JAK1: variants seen among roughly 807,000 people sequenced by gnomAD.
JAK1 encodes the protein tyrosine-protein kinase JAK1.
Under a neutral mutation model 136.6 loss-of-function variants are expected in JAK1, and 16 were observed. That is an observed-to-expected ratio of 0.12 (90% confidence interval 0.08 to 0.18). JAK1 has a LOEUF of 0.18. Ranked by LOEUF, JAK1 falls within the 10% of genes least tolerant of loss-of-function variation. The pLI, the probability that JAK1 is intolerant of heterozygous loss-of-function variation, is 1.00. For synonymous variants in JAK1, 492 were observed against 519.5 expected (o/e 0.95, Z 0.72); for missense variants, 859 against 1,450.1 (o/e 0.59, Z 6.62).
At chr1:64,881,346 C>T (rs1190765221) in intron 3 of JAK1, among the ~76,000 whole-genome samples, 1 of 149,960 alleles carries the variant, frequency 6.7e-6, no homozygotes, top group Non-Finnish European at 1.5e-5. Flanking sequence ...CTATTTTGAC[C>T]ATCTTGCAGA....
At chr1:64,958,795 T>A (rs1646235279) in intron 1 of JAK1, among the ~76,000 whole-genome samples, 1 of 152,230 alleles carries the variant, frequency 6.6e-6, no homozygotes, top group African/African-American at 2.4e-5. Flanking sequence ...AGCCTCCAGA[T>A]AAAATTGTGC....
chr1:64,943,351 T>C (rs866950930), intron 1 of JAK1, among the ~76,000 whole-genome samples: 3 of 152,198 alleles, frequency 2.0e-5, no homozygotes, highest in Non-Finnish European at 2.9e-5. Flanking sequence ...CTCACTGGCA[T>C]CAACTGCCTG....
At chr1:65,040,161 G>T (rs917296931) in intron 2 of JAK1, among the ~76,000 whole-genome samples, 1 of 151,388 alleles carries the variant, frequency 6.6e-6, no homozygotes, top group Non-Finnish European at 1.5e-5. Context: ...GTTGTAGTGA[G>T]CCAAGATTGC....
chr1:65,033,725 C>CAAAAAAAAAAAAAA, intron 2 of JAK1, among the ~76,000 whole-genome samples: 1 of 89,256 alleles, frequency 1.1e-5, no homozygotes, highest in Non-Finnish European at 2.3e-5. Flanking sequence ...CCCGTAGTAC[C>CAAAAAAAAAAAAAA]AAAAAAAAAA....
At chr1:64,935,672 T>C (rs1290500621) in intron 1 of JAK1, among the ~76,000 whole-genome samples, 5 of 152,206 alleles carry the variant, frequency 3.3e-5, no homozygotes, top group Non-Finnish European at 7.3e-5. Flanking sequence ...ATGAGAAGTC[T>C]GGTCTTGGCA....
Position 64,845,652 on chromosome 1 carries a change from A to C in JAK1, c.1988-12T>G. ...TTCCACCATGATATCTGTAGGCATA[A>C]AAATAGCCATGTCTGGAACCTGGTC... On this transcript the variant is annotated splice_polypyrimidine_tract_variant and intron_variant, in intron 14 of 24. Coordinates refer to ENST00000342505, the MANE Select transcript of JAK1 (RefSeq NM_002227.4). 6.2e-7 allele frequency: 1 copy of C among 1,614,138 alleles called. No homozygotes were observed. The highest frequency in any genetic ancestry group is 8.5e-7 in the Non-Finnish European group (1 of 1,180,010).
intron 1 of JAK1, among the ~76,000 whole-genome samples, chr1:64,896,290 C>G (rs1426262811): frequency 1.3e-5 from 2 of 152,214 alleles, no homozygotes; most frequent in Admixed American, 6.5e-5. Context: ...TTTAGCCAAA[C>G]TGGCATCCAT....
Position 65,038,384 on chromosome 1 carries a change from A to G in JAK1, c.-78+6096T>C, listed in dbSNP as rs1313914255. 3.3e-5 allele frequency among the ~76,000 whole-genome samples: 5 copies of G among 151,200 alleles called. No homozygotes were observed. The East Asian group carries it at 9.8e-4, about 29-fold the overall frequency. On this transcript the variant is annotated intron_variant, in intron 2 of 25. Transcript: ENST00000671954. ...CAGCTAATTTTTGCATTTTTAGTAGAGACGGGGCTTCCCCATGTTGGTCAG... is the reference window on the plus strand; with the variant it reads ...CAGCTAATTTTTGCATTTTTAGTAGGGACGGGGCTTCCCCATGTTGGTCAG...
intron 2 of JAK1, chr1:64,973,187 A>AAAAG (rs144209441): frequency 0.16 from 23,164 of 147,156 alleles, 3,004 homozygotes; most frequent in African/African-American, 0.33. Flanking sequence ...GAAAGAAAGA[A>AAAAG]AAAGAAAGAA....
chr1:64,867,348 T>C (rs1184634316), intron 6 of JAK1, 140 bp from the exon 7 acceptor site: 9 of 619,936 alleles, frequency 1.5e-5, no homozygotes, highest in Non-Finnish European at 2.5e-5. Context: ...TAGATGGAGT[T>C]AGCACTGAAG....
chr1:64,966,142 G>A (rs1193520005), intron 1 of JAK1, among the ~76,000 whole-genome samples, 191 bp downstream of exon 1: 1 of 151,830 alleles, frequency 6.6e-6, no homozygotes, highest in Non-Finnish European at 1.5e-5. Flanking sequence ...CGCCGGCTCC[G>A]CGGGGCTGGA....
At chr1:64,975,570 C>G (rs1646491189) in intron 2 of JAK1, among the ~76,000 whole-genome samples, 1 of 152,220 alleles carries the variant, frequency 6.6e-6, no homozygotes, top group Non-Finnish European at 1.5e-5. Flanking sequence ...CAGGCCCAAC[C>G]TGGTTCACAT....
rs371533750 is a variant in JAK1, at chr1:65,018,737, C to G, written c.-78+25743G>C. Among the ~76,000 whole-genome samples the G allele has an allele frequency of 2.6e-5, 4 of 152,080 alleles. No individual in the cohort carries two copies. The South Asian group carries it at 6.2e-4, about 24-fold the overall frequency. On this transcript the variant is annotated intron_variant, in intron 2 of 25. Coordinates refer to the JAK1 transcript ENST00000671954. Reference sequence around the variant, plus strand: ...TTGAAAAAAATAATAAAGGCCGGGCCCGGCGGCTCACGCCTGTAATCCCAG... The same window carrying G: ...TTGAAAAAAATAATAAAGGCCGGGCGCGGCGGCTCACGCCTGTAATCCCAG...
chr1:64,929,621 A>C (rs1645652780), intron 1 of JAK1, among the ~76,000 whole-genome samples: 1 of 152,200 alleles, frequency 6.6e-6, no homozygotes, highest in South Asian at 2.1e-4. Context: ...TGATACCTAC[A>C]AGTCTGAACA....
chr1:64,985,142 G>T, intron 2 of JAK1: 2 of 1,226,894 alleles, frequency 1.6e-6, no homozygotes, highest in Non-Finnish European at 2.4e-6. Context: ...AAACTATAGT[G>T]AAGATAGTAT....
chr1:64,922,546 T>G (rs1010720898), intron 1 of JAK1, among the ~76,000 whole-genome samples: 2 of 152,164 alleles, frequency 1.3e-5, no homozygotes, highest in Non-Finnish European at 2.9e-5. Context: ...TGTTCACCAC[T>G]TCAAACATTT....
At chr1:64,886,725 T>C (rs1644857766) in intron 1 of JAK1, among the ~76,000 whole-genome samples, 1 of 150,514 alleles carries the variant, frequency 6.6e-6, no homozygotes, top group African/African-American at 2.5e-5. Context: ...TCATTCCTTC[T>C]AGAATTACCC....
At chr1:64,912,405 T>C (rs950200412) in intron 1 of JAK1, among the ~76,000 whole-genome samples, 1 of 152,244 alleles carries the variant, frequency 6.6e-6, no homozygotes, top group Admixed American at 6.5e-5. Context: ...AGTAGCATCC[T>C]GCATTGACAG....
At chr1:64,894,090 G>C (rs1644977981) in intron 1 of JAK1, among the ~76,000 whole-genome samples, 1 of 152,136 alleles carries the variant, frequency 6.6e-6, no homozygotes, top group African/African-American at 2.4e-5. Context: ...TGAGTTTAAG[G>C]GAAAGACAGA....
Sources: gnomAD v4.1 joint callset for allele counts (sites outside exome capture counted in the v4.1 genomes callset) on GRCh38, gnomAD v4.1.1 for gene constraint, MANE v1.5 for transcripts, NCBI Gene and HGNC (gene_info 2026-07-23, HGNC 2026-07-21) for gene names.